SNX24: variants seen among roughly 807,000 people sequenced by gnomAD.
The protein encoded by SNX24 is sorting nexin 24, also known as sorting nexin-24.
In SNX24, 22 loss-of-function variants were observed where a neutral mutation model predicts 28.7. That is an observed-to-expected ratio of 0.77 (90% CI 0.55 to 1.10). SNX24 has a LOEUF of 1.10. SNX24 is among the 50% of genes least tolerant of loss of function. SNX24 has a pLI of 0.00. For synonymous variants in SNX24, 69 were observed against 71.5 expected (o/e 0.96, Z 0.18); for missense variants, 221 against 201.1 (o/e 1.10, Z -0.60).
At chr5:122,854,490 A>ATGT in intron 1 of SNX24, among the ~76,000 whole-genome samples, 1 of 149,890 alleles carries the variant, frequency 6.7e-6, no homozygotes, top group South Asian at 2.2e-4. Flanking sequence ...CCTGGGCAAC[A>ATGT]GAGCGAGACT....
intron 1 of SNX24, among the ~76,000 whole-genome samples, chr5:122,858,554 A>G (rs544866002): frequency 2.6e-5 from 4 of 152,354 alleles, no homozygotes; most frequent in African/African-American, 9.6e-5. Flanking sequence ...TACTGGACCA[A>G]AAATTACATG....
At chr5:122,906,462 A>G (rs146868540) in intron 1 of SNX24, among the ~76,000 whole-genome samples, 4 of 152,298 alleles carry the variant, frequency 2.6e-5, no homozygotes, top group Non-Finnish European at 5.9e-5. Context: ...GACATGCATA[A>G]TCTCATTTAC....
At position 122,883,186 on chromosome 5, in the gene SNX24, T is replaced by C. The variant is rs571698159; in HGVS notation, c.60+37493T>C. Among the ~76,000 whole-genome samples the C allele has an allele frequency of 2.0e-5, 3 of 152,334 alleles. No individual in the cohort carries two copies. In the South Asian group the frequency reaches 6.2e-4, roughly 32 times the overall value. ...TCTTGAAATTACACGCAGAATCTTATAGTATGTGTGTGCATGTTTCCACAG... is the reference window on the plus strand; with the variant it reads ...TCTTGAAATTACACGCAGAATCTTACAGTATGTGTGTGCATGTTTCCACAG... On this transcript the variant is annotated intron_variant, in intron 1 of 6. Coordinates refer to ENST00000261369, the MANE Select transcript of SNX24 (RefSeq NM_014035.4).
chr5:123,003,870 G>C (rs1762330425), intron 6 of SNX24, among the ~76,000 whole-genome samples: 1 of 152,174 alleles, frequency 6.6e-6, no homozygotes, highest in African/African-American at 2.4e-5. Flanking sequence ...TTGATGGATG[G>C]GATGGGAGGT....
At chr5:122,867,810 T>A (rs185320029) in intron 1 of SNX24, among the ~76,000 whole-genome samples, 89 of 152,240 alleles carry the variant, frequency 5.8e-4, no homozygotes, top group African/African-American at 1.9e-3. Flanking sequence ...TTTAGAGAGG[T>A]CTTCCATGTA....
chr5:122,904,364 G>T (rs1009979140), intron 1 of SNX24, among the ~76,000 whole-genome samples: 8 of 151,888 alleles, frequency 5.3e-5, no homozygotes, highest in Non-Finnish European at 7.4e-5. Flanking sequence ...TGTATTTTTA[G>T]TAGAGACGGG....
At chr5:122,953,754 CA>C (rs1431611102) in intron 3 of SNX24, among the ~76,000 whole-genome samples, 1 of 152,156 alleles carries the variant, frequency 6.6e-6, no homozygotes, top group African/African-American at 2.4e-5. Context: ...CATCTTATAT[CA>C]CTTGAGAATA....
At chr5:122,967,730 C>A (rs1173311658) in intron 3 of SNX24, among the ~76,000 whole-genome samples, 1 of 152,152 alleles carries the variant, frequency 6.6e-6, no homozygotes, top group Admixed American at 6.5e-5. Context: ...ATTTGTGGGG[C>A]CTGATAGGTG....
At chr5:122,888,207 ATAATTT>A (rs1437900955) in intron 1 of SNX24, among the ~76,000 whole-genome samples, 1 of 152,110 alleles carries the variant, frequency 6.6e-6, no homozygotes, top group Non-Finnish European at 1.5e-5. Context: ...TCTATGGTTT[ATAATTT>A]TAATCTGCAG....
intron 3 of SNX24, among the ~76,000 whole-genome samples, chr5:122,952,625 A>G (rs1760000080): frequency 6.6e-6 from 1 of 152,360 alleles, no homozygotes; most frequent in African/African-American, 2.4e-5. Context: ...AAGTAGCATG[A>G]ACAAAAAGAC....
intron 1 of SNX24, among the ~76,000 whole-genome samples, chr5:122,874,422 A>G (rs1045839068): frequency 3.3e-5 from 5 of 152,246 alleles, no homozygotes; most frequent in African/African-American, 1.2e-4. Flanking sequence ...TGTGAAAGAT[A>G]GGAAAGCAGC....
At chr5:123,027,813 G>T (rs1762883021) in intron 5 of SNX24, among the ~76,000 whole-genome samples, 1 of 152,010 alleles carries the variant, frequency 6.6e-6, no homozygotes, top group Admixed American at 6.5e-5. Context: ...TAAATCTAAA[G>T]TAAATTTAAA....
chr5:123,023,911 C>A, intron 5 of SNX24: 1 of 1,613,826 alleles, frequency 6.2e-7, no homozygotes, highest in South Asian at 1.1e-5. Flanking sequence ...AAGGCGTTTT[C>A]ACGTCTATCT....
chr5:123,007,359 A>G (rs534692857), intron 6 of SNX24, among the ~76,000 whole-genome samples: 1 of 152,382 alleles, frequency 6.6e-6, no homozygotes, highest in South Asian at 2.1e-4. Flanking sequence ...TTGAATTGCC[A>G]GTGTAATCCA....
intron 3 of SNX24, among the ~76,000 whole-genome samples, chr5:122,992,726 T>C (rs1551937): frequency 0.62 from 94,750 of 152,018 alleles, 30,857 homozygotes; most frequent in African/African-American, 0.67. Context: ...CATTCATCTT[T>C]CCTACCCAAT....
intron 1 of SNX24, among the ~76,000 whole-genome samples, chr5:122,913,857 T>C (rs993074678): frequency 6.6e-6 from 1 of 152,182 alleles, no homozygotes; most frequent in African/African-American, 2.4e-5. Flanking sequence ...TCTGCAATCC[T>C]GGCACCTTGG....
At chr5:122,907,750 T>C (rs1002095896) in intron 1 of SNX24, among the ~76,000 whole-genome samples, 7 of 152,278 alleles carry the variant, frequency 4.6e-5, no homozygotes, top group Admixed American at 3.3e-4. Context: ...ATAAGGAAAA[T>C]TGAATTGTAT....
At chr5:122,857,275 G>A (rs182480844) in intron 1 of SNX24, among the ~76,000 whole-genome samples, 3 of 152,106 alleles carry the variant, frequency 2.0e-5, no homozygotes, top group Non-Finnish European at 4.4e-5. Flanking sequence ...GCCTCCCAAA[G>A]TGCTGGGATT....
rs532269314 is a variant in SNX24 at position 122,996,241 on chromosome 5, T to C, written c.250-3671T>C. ...TCTAATTGACAAAGAGATAGAAAAC[T>C]GAAACAAGAAGGCCAGCGTGTCCTT... On this transcript the variant is annotated intron_variant, in intron 3 of 6. Coordinates refer to ENST00000261369, the MANE Select transcript of SNX24 (RefSeq NM_014035.4). Among the ~76,000 whole-genome samples the C allele has an allele frequency of 1.3e-3, 197 of 152,230 alleles. 1 individual carries two copies. The highest frequency in any genetic ancestry group is 4.7e-3 in the African/African-American group (195 of 41,524).
Sources: allele counts gnomAD v4.1 joint callset (sites outside exome capture counted in the v4.1 genomes callset), GRCh38; gene constraint gnomAD v4.1.1; transcripts MANE v1.5; gene names NCBI Gene and HGNC (gene_info 2026-07-23, HGNC 2026-07-21).